Variants in ALK observed in about 807,000 individuals in gnomAD.
ALK encodes the protein ALK receptor tyrosine kinase.
In ALK, 74 loss-of-function variants were observed where a neutral mutation model predicts 163.1. The ratio of observed to expected loss-of-function variants is 0.45; its 90% CI spans 0.38 to 0.55. The LOEUF is 0.55. Among genes scored for constraint, ALK ranks in the 20% least tolerant of loss-of-function variants. The pLI is 0.00. For missense variants in ALK, 2,063 were observed against 2,105.3 expected (o/e 0.98, Z 0.39); for synonymous variants, 960 against 843.2 (o/e 1.14, Z -2.40).
At chr2:29,364,072 G>A (rs1668446905) in intron 5 of ALK, among the ~76,000 whole-genome samples, 1 of 152,054 alleles carries the variant, frequency 6.6e-6, no homozygotes, top group Non-Finnish European at 1.5e-5. Flanking sequence ...ATTCAAAATG[G>A]GGAAAATCTG....
intron 3 of ALK, among the ~76,000 whole-genome samples, chr2:29,575,682 C>G (rs751451627): frequency 4.6e-5 from 7 of 152,166 alleles, no homozygotes; most frequent in Non-Finnish European, 8.8e-5. Context: ...GGTAATTCAG[C>G]GCCTGATTTT....
At chr2:29,846,323 C>G (rs963451256) in intron 1 of ALK, among the ~76,000 whole-genome samples, 3 of 152,226 alleles carry the variant, frequency 2.0e-5, no homozygotes, top group African/African-American at 4.8e-5. Context: ...AACAGCACCC[C>G]TCCCCAAATT....
At chr2:29,565,654 T>G (rs1253173172) in intron 3 of ALK, among the ~76,000 whole-genome samples, 1 of 152,162 alleles carries the variant, frequency 6.6e-6, no homozygotes, top group South Asian at 2.1e-4. Flanking sequence ...AGCCACCACG[T>G]TGCCCTGGGC....
At chr2:29,628,929 C>T (rs372788565) in intron 3 of ALK, among the ~76,000 whole-genome samples, 2 of 152,160 alleles carry the variant, frequency 1.3e-5, no homozygotes, top group East Asian at 3.8e-4. Flanking sequence ...CTGAGAATGA[C>T]CCCATATATA....
intron 3 of ALK, among the ~76,000 whole-genome samples, chr2:29,639,979 G>A (rs1441467308): frequency 6.6e-6 from 1 of 152,120 alleles, no homozygotes; most frequent in Non-Finnish European, 1.5e-5. Context: ...TTCAACTTAG[G>A]GATAAAACAT....
At chr2:29,518,936 A>C (rs947101745) in intron 4 of ALK, among the ~76,000 whole-genome samples, 4 of 152,194 alleles carry the variant, frequency 2.6e-5, no homozygotes, top group African/African-American at 9.7e-5. Context: ...TTCATAGGGA[A>C]ACTGTAGTAT....
chr2:29,468,442 G>A (rs1246091203), intron 4 of ALK, among the ~76,000 whole-genome samples: 1 of 152,192 alleles, frequency 6.6e-6, no homozygotes, highest in African/African-American at 2.4e-5. Context: ...AAGTTGAGGA[G>A]CCATGGAGAT....
chr2:29,333,715 C>T (rs764872668), intron 5 of ALK, among the ~76,000 whole-genome samples: 15 of 152,266 alleles, frequency 9.9e-5, no homozygotes, highest in Admixed American at 6.5e-4. Flanking sequence ...TTCCCGACCT[C>T]GGGTGATTCT....
At chr2:29,320,652 C>A (rs538545065) in intron 7 of ALK, 99 bp downstream of exon 7, 62 of 1,555,962 alleles carry the variant, frequency 4.0e-5, no homozygotes, top group Non-Finnish European at 5.4e-5. Context: ...GACACCCGAG[C>A]TTGCCCTGCA....
At chr2:29,595,535 T>C (rs1175861861) in intron 3 of ALK, among the ~76,000 whole-genome samples, 1 of 152,132 alleles carries the variant, frequency 6.6e-6, no homozygotes, top group Non-Finnish European at 1.5e-5. Context: ...TTAGGCAGGA[T>C]GGTCTCGATT....
At chr2:29,519,470 G>A (rs1360663415) in intron 4 of ALK, among the ~76,000 whole-genome samples, 1 of 152,178 alleles carries the variant, frequency 6.6e-6, no homozygotes, top group African/African-American at 2.4e-5. Flanking sequence ...AAGAACTAAG[G>A]ACCTTGGGTA....
intron 4 of ALK, among the ~76,000 whole-genome samples, chr2:29,419,966 C>T (rs1669975755): frequency 6.6e-6 from 1 of 151,118 alleles, no homozygotes; most frequent in Non-Finnish European, 1.5e-5. Context: ...TGAGACCAGC[C>T]TGGGCAACAT....
At chr2:29,797,625 G>A (rs1248370298) in intron 1 of ALK, among the ~76,000 whole-genome samples, 1 of 152,176 alleles carries the variant, frequency 6.6e-6, no homozygotes. Context: ...ACATTGCTTA[G>A]TGTAGAAGGA....
At chr2:29,722,121 A>G (rs1466748111) in intron 1 of ALK, among the ~76,000 whole-genome samples, 1 of 152,226 alleles carries the variant, frequency 6.6e-6, no homozygotes, top group East Asian at 1.9e-4. Flanking sequence ...CTCCTGCTTC[A>G]GTGGGAAGAT....
At chr2:29,391,307 G>GT (rs771041035) in intron 4 of ALK, among the ~76,000 whole-genome samples, 2 of 117,074 alleles carry the variant, frequency 1.7e-5, no homozygotes, top group African/African-American at 3.0e-5. Flanking sequence ...CTTTTTTTTG[G>GT]GGGGGGGGTG....
intron 3 of ALK, among the ~76,000 whole-genome samples, chr2:29,632,020 A>T (rs1676392812): frequency 6.6e-6 from 1 of 152,212 alleles, no homozygotes; most frequent in Non-Finnish European, 1.5e-5. Flanking sequence ...AAATAAGAAA[A>T]TTGCACAAAT....
intron 1 of ALK, among the ~76,000 whole-genome samples, chr2:29,784,245 A>G (rs1663934608): frequency 6.6e-6 from 1 of 152,244 alleles, no homozygotes. Context: ...ATGGGATGAA[A>G]GGAACTTTAG....
At chr2:29,231,117 C>T (rs765732783) in intron 15 of ALK, among the ~76,000 whole-genome samples, 2 of 152,294 alleles carry the variant, frequency 1.3e-5, no homozygotes, top group East Asian at 1.9e-4. Context: ...GCAGGTGGGT[C>T]ACCTGAGGTC....
At chr2:29,780,826 G>A (rs935140071) in intron 1 of ALK, among the ~76,000 whole-genome samples, 1 of 152,202 alleles carries the variant, frequency 6.6e-6, no homozygotes, top group African/African-American at 2.4e-5. Context: ...ATCATTATAT[G>A]GAAACCTAAG....
Sources: allele counts gnomAD v4.1 joint callset (sites outside exome capture counted in the v4.1 genomes callset), GRCh38; gene constraint gnomAD v4.1.1; transcripts MANE v1.5; gene names NCBI Gene and HGNC (gene_info 2026-07-23, HGNC 2026-07-21).